YARS2: variants seen among roughly 807,000 people sequenced by gnomAD.
YARS2 encodes tyrosine--tRNA ligase, mitochondrial.
YARS2 carries 38 observed loss-of-function variants against 45.0 expected under a neutral mutation model. The ratio of observed to expected loss-of-function variants is 0.84; its 90% CI spans 0.65 to 1.11. The LOEUF (loss-of-function observed/expected upper bound fraction) is 1.11, where lower values mean the gene tolerates loss of function less well. Among genes scored for constraint, YARS2 ranks in the 50% least tolerant of loss-of-function variants. YARS2 has a pLI of 0.00. For synonymous variants in YARS2, 287 were observed against 245.1 expected, an observed-to-expected ratio of 1.17 and a Z score of -1.60; for missense variants, 602 against 599.8, an observed-to-expected ratio of 1.00 and a Z score of -0.04.
chr12:32,749,899 G>A, intron 4 of YARS2, 38 bp downstream of exon 4: 1 of 1,607,758 alleles, frequency 6.2e-7, no homozygotes, highest in Non-Finnish European at 8.5e-7. Context: ...ACATTTAATG[G>A]TGAATTAACT....
chr12:32,751,015 T>C (rs1371734087), intron 2 of YARS2, 141 bp from the exon 3 acceptor site: 10 of 919,202 alleles, frequency 1.1e-5, no homozygotes, highest in Admixed American at 2.6e-5. Flanking sequence ...GTAGGTCCCA[T>C]GCACACATCA....
At chr12:32,752,136 C>T (rs1300649817) in intron 2 of YARS2, among the ~76,000 whole-genome samples, 2 of 152,156 alleles carry the variant, frequency 1.3e-5, no homozygotes, top group African/African-American at 2.4e-5. Flanking sequence ...CACCTAACAA[C>T]ACACTTCCCA....
chr12:32,749,136 T>TG (rs1955692831), intron 4 of YARS2, among the ~76,000 whole-genome samples: 1 of 152,222 alleles, frequency 6.6e-6, no homozygotes, highest in Non-Finnish European at 1.5e-5. Context: ...CAAAAGTACT[T>TG]GCGGTTTTGG....
Position 32,750,038 on chromosome 12 carries a change from C to T in YARS2, c.1173G>A (p.Glu391=). ...CAGAAAATGGAGCTTCTTTAAACAA[C>T]TCTTTTAACTCCTGATCAGACATGA... ...LEVMSDQELK[E]LFKEAPFSEF... The change falls in exon 4 of 5, where the codon GAG becomes GAA. Residue 391 remains glutamate, a synonymous_variant. Coordinates refer to ENST00000324868, the MANE Select transcript of YARS2 (RefSeq NM_001040436.3). 1.2e-6 allele frequency: 2 copies of T among 1,614,040 alleles called. No homozygotes were observed. The highest frequency in any genetic ancestry group is 1.7e-6 in the Non-Finnish European group (2 of 1,179,908).
At position 32,746,994 on chromosome 12, in the gene YARS2, GC is replaced by G. The variant is rs1955651569; in HGVS notation, c.*209del. The G allele has an allele frequency of 1.9e-6, 1 of 539,388 alleles. No individual in the cohort carries two copies. Among genetic ancestry groups the G allele is most frequent in the African/African-American group, 1.9e-5 (1 of 52,742 alleles). The allele number at this position is 539,388 out of a possible 1,614,324, so 33.4% of individuals were successfully genotyped here. A position where few individuals can be genotyped will look rare whatever the true frequency, so the allele number is the denominator to read the frequency against. ...AATCATGGTTTTCTATGGTAATCAA[GC>G]TTTGTACATCAGAAAATAAAACATC... is the stretch of plus-strand genomic sequence containing the variant. On this transcript the variant is annotated 3_prime_UTR_variant, in exon 5 of 5. Transcript: ENST00000324868.
chr12:32,750,579 G>A (rs970018193), intron 3 of YARS2, 140 bp downstream of exon 3: 1 of 1,055,018 alleles, frequency 9.5e-7, no homozygotes. Flanking sequence ...CCAATAAACA[G>A]GGGCTATTTT....
In YARS2 at chr12:32,755,403, G is replaced by C. The variant is rs372547777; in HGVS notation, c.472C>G (p.Leu158Val). 11 of 1,613,710 alleles carry C rather than the reference G, an allele frequency of 6.8e-6. No individual in the cohort carries two copies. The African/African-American group carries it at 1.1e-4, about 16-fold the overall frequency. ...CCCCAGGAGCGCCCATCAGTGAAAAGCTGCTGGTGATTAGCCGCCAGGGCC... is the reference window on the plus strand; with the variant it reads ...CCCCAGGAGCGCCCATCAGTGAAAACCTGCTGGTGATTAGCCGCCAGGGCC... ...LEALAANHQQ[L>V]FTDGRSWGSF... is the part of the protein sequence containing the mutation. Residue 158 changes from leucine to valine, a missense_variant, in exon 1 of 5, where the codon CTT becomes GTT. Leu to Val is a conservative substitution (Grantham distance 32, BLOSUM62 1). Coordinates refer to ENST00000324868, the MANE Select transcript of YARS2 (RefSeq NM_001040436.3).
In YARS2 at chr12:32,755,107, C is replaced by G. The variant is rs1955822684; in HGVS notation, c.768G>C (p.Glu256Asp). ...TTAAAGGCACTTACTTGTTGATGAA[C>G]TCATATCCGGACATGATGTTGCCTA... ...DQLGNIMSGY[E>D]FINKLTGEDV... Residue 256 changes from glutamate to aspartate, a missense_variant, in exon 1 of 5, where the codon GAG becomes GAC. Coordinates refer to ENST00000324868, the MANE Select transcript of YARS2 (RefSeq NM_001040436.3). 6.2e-7 allele frequency: 1 copy of G among 1,614,054 alleles called. No homozygotes were observed. The highest frequency in any genetic ancestry group is 1.3e-5 in the African/African-American group (1 of 74,912).
intron 1 of YARS2, among the ~76,000 whole-genome samples, chr12:32,754,612 G>T (rs963573265): frequency 1.3e-5 from 2 of 151,988 alleles, no homozygotes; most frequent in African/African-American, 4.8e-5. Context: ...GCCCAGTCAC[G>T]TTCTGGTATA....
chr12:32,752,935 T>C (rs547406918), intron 2 of YARS2, among the ~76,000 whole-genome samples: 4 of 152,276 alleles, frequency 2.6e-5, no homozygotes, highest in South Asian at 2.1e-4. Context: ...TTTATTTCTA[T>C]GTCAGTGTTA....
chr12:32,754,313 A>G lies in YARS2; in HGVS notation c.780-228T>C, dbSNP rs572165999. Among the ~76,000 whole-genome samples the G allele has an allele frequency of 2.6e-5, 4 of 152,336 alleles. No homozygotes were observed. In the East Asian group the frequency reaches 5.8e-4, roughly 22 times the overall value. ...TAGGCAGGCCAAGGGGAAGTGCTAC[A>G]TAACAATGGACTAGAGATTTTGAAA... On this transcript the variant is annotated intron_variant, in intron 1 of 4. Coordinates refer to ENST00000324868, the MANE Select transcript of YARS2 (RefSeq NM_001040436.3).
At chr12:32,750,690 A>G (rs1369707845) in intron 3 of YARS2, 29 bp downstream of exon 3, 1 of 1,612,298 alleles carries the variant, frequency 6.2e-7, no homozygotes, top group Non-Finnish European at 8.5e-7. Context: ...ATAACTAACT[A>G]TCAAGTGTTA....
At position 32,755,272 on chromosome 12, in the gene YARS2, C is replaced by A. The variant is rs1415701702; in HGVS notation, c.603G>T (p.Arg201=). The part of the protein sequence containing the change: ...GHFRMGTLLS[R]QSVQLRLKSP... ...TCTTGAGCCGCAGCTGCACGCTCTG[C>A]CGGCTCAGCAGCGTCCCCATGCGGA... Residue 201 remains arginine, a synonymous_variant, in exon 1 of 5, where the codon CGG becomes CGT. Coordinates refer to ENST00000324868, the MANE Select transcript of YARS2 (RefSeq NM_001040436.3). 27 of 1,614,066 alleles carry A rather than the reference C, an allele frequency of 1.7e-5. No homozygotes were observed. The highest frequency in any genetic ancestry group is 2.7e-5 in the African/African-American group (2 of 74,938).
chr12:32,752,848 A>G (rs1489459594), intron 2 of YARS2: 1 of 283,204 alleles, frequency 3.5e-6, no homozygotes, highest in African/African-American at 2.2e-5. Context: ...AAAAAACACA[A>G]TTACCAAAAT....
intron 4 of YARS2, among the ~76,000 whole-genome samples, chr12:32,748,571 CAGA>C (rs1423318852): frequency 6.6e-6 from 1 of 152,098 alleles, no homozygotes; most frequent in Non-Finnish European, 1.5e-5. Context: ...TAGTAAAGTT[CAGA>C]AGAAAACGAA....
intron 4 of YARS2, among the ~76,000 whole-genome samples, chr12:32,749,534 C>T (rs557181739): frequency 1.3e-5 from 2 of 152,276 alleles, no homozygotes; most frequent in Non-Finnish European, 1.5e-5. Flanking sequence ...GCCACTAAAG[C>T]ACTATCAGGA....
At chr12:32,750,451 T>G (rs983560337) in intron 3 of YARS2, among the ~76,000 whole-genome samples, 1 of 152,206 alleles carries the variant, frequency 6.6e-6, no homozygotes, top group African/African-American at 2.4e-5. Flanking sequence ...TCAGCCCACC[T>G]TGGCCTCCCA....
intron 2 of YARS2, among the ~76,000 whole-genome samples, chr12:32,751,619 C>T (rs1195879237): frequency 6.6e-6 from 1 of 152,108 alleles, no homozygotes; most frequent in Non-Finnish European, 1.5e-5. Flanking sequence ...ATCCGCGGTC[C>T]CCAACCTTTT....
rs535235134 is a variant in YARS2 at position 32,746,970 on chromosome 12, A to C, written c.*234T>G. The C allele has an allele frequency of 2.1e-6, 1 of 482,432 alleles. No individual in the cohort carries two copies. Among genetic ancestry groups the C allele is most frequent in the African/African-American group, 1.9e-5 (1 of 51,362 alleles). 29.9% of individuals were successfully genotyped at this position (482,432 alleles called of 1,614,324 possible). ...TTTTAAAAAGAGATTAACCCTGAAA[A>C]TCATGGTTTTCTATGGTAATCAAGC... On this transcript the variant is annotated 3_prime_UTR_variant, in exon 5 of 5. Coordinates refer to ENST00000324868, the MANE Select transcript of YARS2 (RefSeq NM_001040436.3).
Sources: gnomAD v4.1 joint callset for allele counts (sites outside exome capture counted in the v4.1 genomes callset) on GRCh38, gnomAD v4.1.1 for gene constraint, MANE v1.5 for transcripts, NCBI Gene and HGNC (gene_info 2026-07-23, HGNC 2026-07-21) for gene names.